Variants in LYST observed in about 807,000 individuals in gnomAD.
LYST encodes lysosomal trafficking regulator.
A neutral mutation model predicts 413.6 loss-of-function variants in LYST; 192 were observed. The observed-to-expected ratio is 0.46, with a 90% CI of 0.41 to 0.52. LYST has a LOEUF of 0.52. Ranked by LOEUF, LYST falls within the 20% of genes least tolerant of loss-of-function variation. The pLI is 0.00. For synonymous variants in LYST, 1,525 were observed against 1,567.3 expected (o/e 0.97, Z 0.64); for missense variants, 3,815 against 4,499.9 (o/e 0.85, Z 4.35).
At position 235,806,347 on chromosome 1, in the gene LYST, T is replaced by A. The variant is rs1672831159; in HGVS notation, c.2789A>T (p.Asp930Val). The A allele has an allele frequency of 6.2e-7, 1 of 1,613,990 alleles. No homozygotes were observed. The highest frequency in any genetic ancestry group is 8.5e-7 in the Non-Finnish European group (1 of 1,179,960). The change falls in exon 6 of 53, where the codon GAC becomes GTC. Residue 930 changes from aspartate (D) to valine (V), a missense_variant. Physicochemically the swap from Asp to Val is radical, Grantham distance 152. This residue lies in a region of LYST where 1,648 missense variants were observed against 1,810.3 expected (regional missense o/e 0.91). Transcript: ENST00000389793. ...ANDSEDTSGYDSTASEPLSHM... is the reference protein window; with the variant it reads ...ANDSEDTSGYVSTASEPLSHM... ...ACTTAAAGGCTCGCTGGCTGTGCTG[T>A]CATAGCCAGAAGTATCTTCTGAGTC...
At chr1:235,875,119 T>C (rs897511077) in intron 1 of LYST, among the ~76,000 whole-genome samples, 18 of 152,162 alleles carry the variant, frequency 1.2e-4, no homozygotes, top group South Asian at 8.3e-4. Flanking sequence ...GAACAGCGGG[T>C]ATAAAGACTG....
chr1:235,798,127 C>T, intron 10 of LYST, among the ~76,000 whole-genome samples: 1 of 152,156 alleles, frequency 6.6e-6, no homozygotes, highest in Non-Finnish European at 1.5e-5. Context: ...CTGACCAGTA[C>T]CCCTCAAAAC....
chr1:235,717,422 G>A (rs946837844), intron 40 of LYST, among the ~76,000 whole-genome samples: 5 of 152,190 alleles, frequency 3.3e-5, no homozygotes, highest in African/African-American at 1.2e-4. Flanking sequence ...AACACCACAT[G>A]ACACCATTCC....
chr1:235,668,429 T>C (rs968354761), intron 50 of LYST, among the ~76,000 whole-genome samples: 1 of 152,196 alleles, frequency 6.6e-6, no homozygotes, highest in African/African-American at 2.4e-5. Context: ...ATTTCTTTTA[T>C]ATATGTATCA....
chr1:235,775,111 A>G, intron 17 of LYST, 25 bp from the exon 18 acceptor site: 1 of 1,577,562 alleles, frequency 6.3e-7, no homozygotes, highest in African/African-American at 1.3e-5. Context: ...GGGTGGATAT[A>G]GTTTTCTCCC....
chr1:235,766,396 GA>G, intron 20 of LYST, 119 bp from the exon 21 acceptor site: 1 of 677,772 alleles, frequency 1.5e-6, no homozygotes, highest in South Asian at 1.9e-5. Flanking sequence ...ACTCTAGTCT[GA>G]TCATACTTAC....
chr1:235,782,834 A>G (rs1306709851), intron 14 of LYST, among the ~76,000 whole-genome samples: 1 of 152,246 alleles, frequency 6.6e-6, no homozygotes, highest in African/African-American at 2.4e-5. Flanking sequence ...CAGTAAAAAC[A>G]TAACTTCTTC....
intron 21 of LYST, among the ~76,000 whole-genome samples, chr1:235,764,032 G>A (rs1667857934): frequency 6.6e-6 from 1 of 152,024 alleles, no homozygotes; most frequent in South Asian, 2.1e-4. Flanking sequence ...TTGTCCCTAG[G>A]TCCCTCCCAA....
Position 235,686,867 on chromosome 1 carries a change from CA to C in LYST, c.10800+81del. On this transcript the variant is annotated intron_variant, in intron 48 of 52. Transcript: ENST00000389793. This position sits in a 1 kb window ranked among gnomAD's most constrained non-coding sequence, Gnocchi z 4.0. ...ATAAACATTTTAAGTTAATCTTATG[CA>C]AAGTGAATTATACTTCATAAAGGCT... The C allele has an allele frequency of 9.9e-7, 1 of 1,014,620 alleles. No homozygotes were observed. The highest frequency in any genetic ancestry group is 1.7e-5 in the Admixed American group (1 of 59,168). The allele number at this position is 1,014,620 out of a possible 1,614,324, so 62.9% of individuals were successfully genotyped here. A position where few individuals can be genotyped will look rare whatever the true frequency, so the allele number is the denominator to read the frequency against.
Position 235,720,759 on chromosome 1 carries a change from G to C in LYST, c.9462C>G (p.Gly3154=), listed in dbSNP as rs368868854. Residue 3154 remains glycine, a synonymous_variant, in exon 40 of 53, where the codon GGC becomes GGG. Coordinates refer to ENST00000389793, the MANE Select transcript of LYST (RefSeq NM_000081.4). The part of the protein sequence containing the change: ...EYLTHLNKHA[G]RSFNDLMQYP... ...ACTGCATGAGATCATTGAAGGATCGGCCAGCATGTTTGTTTAAGTGAGTCA... is the reference window on the plus strand; with the variant it reads ...ACTGCATGAGATCATTGAAGGATCGCCCAGCATGTTTGTTTAAGTGAGTCA... 5.0e-6 allele frequency: 8 copies of C among 1,613,966 alleles called. No individual in the cohort carries two copies. Among genetic ancestry groups the C allele is most frequent in the Non-Finnish European group, 5.9e-6 (7 of 1,179,982 alleles).
intron 46 of LYST, among the ~76,000 whole-genome samples, chr1:235,694,857 A>G (rs994215081): frequency 6.6e-6 from 1 of 152,166 alleles, no homozygotes; most frequent in Non-Finnish European, 1.5e-5. Flanking sequence ...CTTTCAGAAA[A>G]AGAAACTTCT....
In LYST at chr1:235,663,971, G is replaced by A. The variant is rs1045126767; in HGVS notation, c.11267+13C>T. 3.2e-6 allele frequency: 5 copies of A among 1,585,584 alleles called. No individual in the cohort carries two copies. The highest frequency in any genetic ancestry group is 4.3e-6 in the Non-Finnish European group (5 of 1,153,998). ...ATTGTATTCTGAAGCATAAGAGGGG[G>A]AGAAGATCTTACCTGATGATGGGCT... On this transcript the variant is annotated intron_variant, in intron 52 of 52. Coordinates refer to ENST00000389793, the MANE Select transcript of LYST (RefSeq NM_000081.4).
chr1:235,863,705 C>A (rs1026350110), intron 1 of LYST, among the ~76,000 whole-genome samples: 5 of 152,130 alleles, frequency 3.3e-5, no homozygotes, highest in Admixed American at 3.3e-4. Flanking sequence ...AGAAAATAAT[C>A]ATGAAATCAA....
At chr1:235,861,799 C>G (rs1679914369) in intron 1 of LYST, among the ~76,000 whole-genome samples, 1 of 152,172 alleles carries the variant, frequency 6.6e-6, no homozygotes. Flanking sequence ...GCTTCGGAGA[C>G]TGATAGACTT....
intron 40 of LYST, among the ~76,000 whole-genome samples, chr1:235,719,010 T>G (rs895478245): frequency 1.3e-5 from 2 of 152,210 alleles, no homozygotes; most frequent in Admixed American, 6.5e-5. Context: ...AGTTGGCTTC[T>G]GAGTCCTTTT....
chr1:235,803,135 A>T (rs1214509679), intron 7 of LYST, 71 bp from the exon 8 acceptor site: 2 of 1,198,010 alleles, frequency 1.7e-6, no homozygotes, highest in Non-Finnish European at 2.5e-6. Flanking sequence ...ATTACTCAAA[A>T]GTCATGTTAA....
intron 19 of LYST, among the ~76,000 whole-genome samples, chr1:235,770,923 A>G (rs1343365490): frequency 1.3e-5 from 2 of 152,168 alleles, no homozygotes; most frequent in Non-Finnish European, 2.9e-5. Context: ...AGAGAAAAAA[A>G]GAGATCTTAC....
In LYST at chr1:235,854,468, A is replaced by C. The variant is rs35402102; in HGVS notation, c.-98+12375T>G. ...TTCAGTAAATGGCCTCTACCCAGTG[A>C]CTGAGGTGAGAAACCAGAATAGCAC... On this transcript the variant is annotated intron_variant, in intron 1 of 52. Coordinates refer to ENST00000389793, the MANE Select transcript of LYST (RefSeq NM_000081.4). This position sits in a 1 kb window ranked among gnomAD's most constrained non-coding sequence, Gnocchi z 4.1. Among the ~76,000 whole-genome samples, 4,362 of 152,216 alleles carry C rather than the reference A, an allele frequency of 0.029. 114 individuals are homozygous for C. Among genetic ancestry groups the C allele is most frequent in the South Asian group, 0.11 (542 of 4,814 alleles).
chr1:235,832,356 G>C (rs966415509), intron 2 of LYST, among the ~76,000 whole-genome samples: 33 of 151,950 alleles, frequency 2.2e-4, no homozygotes, highest in African/African-American at 7.7e-4. Flanking sequence ...GAAAAATTAT[G>C]GGAATAATTA....
Sources: allele counts gnomAD v4.1 joint callset (sites outside exome capture counted in the v4.1 genomes callset), GRCh38; gene constraint gnomAD v4.1.1; regional missense constraint gnomAD v4.1.1; non-coding constraint Gnocchi (gnomAD v3.1); transcripts MANE v1.5; gene names NCBI Gene and HGNC (gene_info 2026-07-23, HGNC 2026-07-21).